The following TMEM131 variants were observed in gnomAD, a reference collection of about 807,000 sequenced individuals.
TMEM131 encodes the protein transmembrane protein 131.
A neutral mutation model predicts 211.6 loss-of-function variants in TMEM131; 66 were observed. The ratio of observed to expected loss-of-function variants is 0.31; its 90% CI spans 0.26 to 0.38. The LOEUF is 0.38. Ranked by LOEUF, TMEM131 falls within the 10% of genes least tolerant of loss-of-function variation. TMEM131 has a pLI of 1.00. For missense variants in TMEM131, 2,036 were observed against 2,299.3 expected, an observed-to-expected ratio of 0.89 and a Z score of 2.34; for synonymous variants, 844 against 841.3, an observed-to-expected ratio of 1.00 and a Z score of -0.06.
intron 8 of TMEM131, among the ~76,000 whole-genome samples, 198 bp downstream of exon 8, chr2:97,836,879 T>C (rs1573438239): frequency 6.6e-6 from 1 of 152,202 alleles, no homozygotes; most frequent in East Asian, 1.9e-4. Flanking sequence ...TTTTACTCAC[T>C]GCCCTTTCCA....
At chr2:97,978,781 C>T (rs540059177) in intron 1 of TMEM131, among the ~76,000 whole-genome samples, 36 of 152,268 alleles carry the variant, frequency 2.4e-4, no homozygotes, top group African/African-American at 8.4e-4. Flanking sequence ...CAACTTCTTC[C>T]AAACTCTTGT....
chr2:97,917,331 A>C (rs901618525), intron 2 of TMEM131, among the ~76,000 whole-genome samples: 2 of 152,238 alleles, frequency 1.3e-5, no homozygotes, highest in African/African-American at 4.8e-5. Context: ...TTAGATCAAC[A>C]GAAATAATGC....
intron 38 of TMEM131, chr2:97,760,119 T>C (rs776474646): frequency 4.4e-5 from 11 of 247,616 alleles, no homozygotes; most frequent in Non-Finnish European, 7.9e-5. Context: ...TATTGTTGCT[T>C]ATCTGGAAAA....
At chr2:97,976,152 G>A (rs1436534275) in intron 1 of TMEM131, among the ~76,000 whole-genome samples, 1 of 152,136 alleles carries the variant, frequency 6.6e-6, no homozygotes, top group Non-Finnish European at 1.5e-5. Flanking sequence ...ACAAGACAGA[G>A]ATGTCCACTT....
intron 7 of TMEM131, among the ~76,000 whole-genome samples, chr2:97,838,150 A>G (rs2105082091): frequency 6.6e-6 from 1 of 152,304 alleles, no homozygotes; most frequent in African/African-American, 2.4e-5. Flanking sequence ...TTAAAGAGAA[A>G]GCTGCTGTGG....
At chr2:97,890,437 G>C (rs1457752276) in intron 3 of TMEM131, among the ~76,000 whole-genome samples, 1 of 152,146 alleles carries the variant, frequency 6.6e-6, no homozygotes, top group Non-Finnish European at 1.5e-5. Context: ...GAGGGATCAA[G>C]GATAACTCAT....
chr2:97,886,074 AT>A (rs1342281407), intron 4 of TMEM131, among the ~76,000 whole-genome samples: 1 of 151,376 alleles, frequency 6.6e-6, no homozygotes, highest in Non-Finnish European at 1.5e-5. Flanking sequence ...TGTATTTTTT[AT>A]TTCACTCATT....
At chr2:97,815,493 A>G (rs555081723) in intron 12 of TMEM131, among the ~76,000 whole-genome samples, 186 bp from the exon 13 acceptor site, 1 of 152,272 alleles carries the variant, frequency 6.6e-6, no homozygotes, top group Non-Finnish European at 1.5e-5. Context: ...AAAATGTTTT[A>G]TATTTCCTGT....
At chr2:97,881,044 T>C (rs1674904408) in intron 4 of TMEM131, among the ~76,000 whole-genome samples, 1 of 152,182 alleles carries the variant, frequency 6.6e-6, no homozygotes, top group African/African-American at 2.4e-5. Context: ...AGGGTTAATT[T>C]AGCAGTTCGA....
intron 19 of TMEM131, among the ~76,000 whole-genome samples, chr2:97,807,728 C>G (rs1385607318): frequency 6.6e-6 from 1 of 152,192 alleles, no homozygotes; most frequent in Admixed American, 6.5e-5. Context: ...CATCTGCTGT[C>G]TTCTGAACTG....
At chr2:97,878,946 C>T (rs1256210007) in intron 4 of TMEM131, among the ~76,000 whole-genome samples, 2 of 152,190 alleles carry the variant, frequency 1.3e-5, no homozygotes, top group Non-Finnish European at 2.9e-5. Context: ...CATGGTCATC[C>T]CCTAGAATCT....
intron 1 of TMEM131, among the ~76,000 whole-genome samples, chr2:97,941,204 A>C (rs1432187452): frequency 6.6e-6 from 1 of 152,222 alleles, no homozygotes; most frequent in Non-Finnish European, 1.5e-5. Context: ...GACAAACCTG[A>C]CAAAAACAAG....
intron 3 of TMEM131, among the ~76,000 whole-genome samples, chr2:97,891,955 G>A (rs914306217): frequency 1.3e-5 from 2 of 152,092 alleles, no homozygotes; most frequent in African/African-American, 2.4e-5. Flanking sequence ...TAAGAGGTGG[G>A]GAAGGAAGTG....
At chr2:97,793,746 G>T (rs1023579554) in intron 29 of TMEM131, among the ~76,000 whole-genome samples, 193 bp from the exon 30 acceptor site, 1 of 151,834 alleles carries the variant, frequency 6.6e-6, no homozygotes, top group African/African-American at 2.4e-5. Flanking sequence ...TATAATCCCA[G>T]CACTTTGGGA....
intron 33 of TMEM131, among the ~76,000 whole-genome samples, chr2:97,769,417 T>C (rs569631040): frequency 5.3e-5 from 8 of 152,326 alleles, no homozygotes; most frequent in African/African-American, 1.9e-4. Flanking sequence ...GGCCTATTTT[T>C]ATTCCTGTAA....
chr2:97,953,771 C>G (rs1678435508), intron 1 of TMEM131, among the ~76,000 whole-genome samples: 1 of 152,112 alleles, frequency 6.6e-6, no homozygotes, highest in Admixed American at 6.5e-5. Flanking sequence ...AAAACAAACC[C>G]CAACTATTTT....
At chr2:97,958,989 A>C (rs559679918) in intron 1 of TMEM131, among the ~76,000 whole-genome samples, 28 of 152,338 alleles carry the variant, frequency 1.8e-4, no homozygotes, top group Non-Finnish European at 3.2e-4. Flanking sequence ...AGGGCTCAAC[A>C]GTGTCAAAGA....
At chr2:97,787,261 C>T (rs1301630632) in intron 31 of TMEM131, among the ~76,000 whole-genome samples, 3 of 152,200 alleles carry the variant, frequency 2.0e-5, no homozygotes, top group African/African-American at 4.8e-5. Context: ...CTGAATGAAT[C>T]GTTAGTCTGA....
intron 33 of TMEM131, among the ~76,000 whole-genome samples, chr2:97,770,235 A>AT (rs1464480339): frequency 6.6e-6 from 1 of 152,198 alleles, no homozygotes; most frequent in African/African-American, 2.4e-5. Flanking sequence ...TTCTCCGGTT[A>AT]TTAAAAAAAC....
Sources: allele counts gnomAD v4.1 joint callset (sites outside exome capture counted in the v4.1 genomes callset), GRCh38; gene constraint gnomAD v4.1.1; transcripts MANE v1.5; gene names NCBI Gene and HGNC (gene_info 2026-07-23, HGNC 2026-07-21).